The following PDHA1 variants were observed in gnomAD, a reference collection of about 807,000 sequenced individuals.
The protein encoded by PDHA1 is pyruvate dehydrogenase E1 component subunit alpha, somatic form, mitochondrial.
In PDHA1, 1 loss-of-function variant was observed where a neutral mutation model predicts 33.0. The ratio of observed to expected loss-of-function variants is 0.03; its 90% CI spans 0.01 to 0.14. The LOEUF is 0.14. Ranked by LOEUF, PDHA1 falls within the 10% of genes least tolerant of loss-of-function variation. The probability of loss-of-function intolerance (pLI) is 1.00; values close to 1 mark genes in which losing one functional copy is unlikely to be tolerated. For synonymous variants in PDHA1, 123 were observed against 119.2 expected (o/e 1.03, Z -0.21); for missense variants, 168 against 325.1 (o/e 0.52, Z 3.72).
intron 5 of PDHA1, 73 bp downstream of exon 5, chrX:19,353,246 C>T: frequency 2.4e-6 from 2 of 816,470 alleles, no homozygotes; most frequent in African/African-American, 4.0e-5. Context: ...TTTCACAGCC[C>T]CAGACAACTT....
At chrX:19,352,284 G>A (rs1367917191) in intron 4 of PDHA1, among the ~76,000 whole-genome samples, 9 of 104,590 alleles carry the variant, frequency 8.6e-5, no homozygotes, top group Non-Finnish European at 1.8e-4. Flanking sequence ...GGAGTGGCTG[G>A]AGTGAAGTGG....
At chrX:19,350,502 G>C (rs2063157615) in intron 3 of PDHA1, among the ~76,000 whole-genome samples, 1 of 112,364 alleles carries the variant, frequency 8.9e-6, no homozygotes, top group South Asian at 3.7e-4. Context: ...CTGGGCTCAA[G>C]TGGTCCGCCC....
At chrX:19,352,178 G>T (rs1358146735) in intron 4 of PDHA1, among the ~76,000 whole-genome samples, 5 of 109,618 alleles carry the variant, frequency 4.6e-5, no homozygotes, top group African/African-American at 1.7e-4. Context: ...CTCCCAAAAT[G>T]CTAGGATTAC....
In PDHA1 at chrX:19,360,758, G is replaced by C. The variant is rs758692867; in HGVS notation, c.*1105G>C. ...GCTTAGCTGATTGGTATCAAGCCTT[G>C]TCTTTGGTTTCTGAGGCCTCCTGAG... On this transcript the variant is annotated 3_prime_UTR_variant, in exon 11 of 11. Transcript: ENST00000422285. 4 of 1,207,019 alleles carry C rather than the reference G, an allele frequency of 3.3e-6. No homozygotes were observed. The South Asian group carries it at 7.1e-5, about 21-fold the overall frequency.
chrX:19,356,226 G>C (rs2063198060), intron 8 of PDHA1, among the ~76,000 whole-genome samples: 1 of 111,847 alleles, frequency 8.9e-6, no homozygotes, highest in Non-Finnish European at 1.9e-5. Flanking sequence ...TCCCTTTTCA[G>C]TGTATGGCAG....
chrX:19,346,495 T>A lies in PDHA1; in HGVS notation c.57+2401T>A, dbSNP rs1443591509. ...CACCACACCCAGCCAATTAAAAAAA[T>A]TTTTTTTTTACTAGAGACATGGTCT... On this transcript the variant is annotated intron_variant, in intron 1 of 10. Coordinates refer to ENST00000422285, the MANE Select transcript of PDHA1 (RefSeq NM_000284.4). 21 of 387,886 alleles carry A rather than the reference T, an allele frequency of 5.4e-5. No individual in the cohort carries two copies. The highest frequency in any genetic ancestry group is 9.2e-5 in the East Asian group (2 of 21,806). 32.0% of individuals were successfully genotyped at this position (387,886 alleles called of 1,213,427 possible).
In PDHA1 at chrX:19,351,222, C is replaced by T. The variant is rs186854596; in HGVS notation, c.292-59C>T. On this transcript the variant is annotated intron_variant, in intron 3 of 10. Coordinates refer to ENST00000422285, the MANE Select transcript of PDHA1 (RefSeq NM_000284.4). The stretch of plus-strand genomic sequence containing the variant: ...ACATATTTCACTGTGGTCTAGGAAA[C>T]GTTTTTATTTAGAAACATGTATCAT... The T allele has an allele frequency of 4.2e-4, 486 of 1,149,670 alleles. 2 individuals carry two copies. The African/African-American group carries it at 7.6e-3, about 18-fold the overall frequency. The allele number at this position is 1,149,670 out of a possible 1,213,427, so 94.7% of individuals were successfully genotyped here.
intron 1 of PDHA1, among the ~76,000 whole-genome samples, chrX:19,344,889 C>T (rs1388793071): frequency 1.8e-5 from 2 of 112,084 alleles, no homozygotes; most frequent in Non-Finnish European, 3.8e-5. Flanking sequence ...TCTTCAGAAA[C>T]AAACTTCCTC....
intron 4 of PDHA1, among the ~76,000 whole-genome samples, chrX:19,351,868 G>A (rs370144517): frequency 1.7e-3 from 158 of 95,640 alleles, no homozygotes; most frequent in Non-Finnish European, 2.0e-3. Context: ...GTGTGATCAC[G>A]GCTCACTGCA....
intron 1 of PDHA1, among the ~76,000 whole-genome samples, chrX:19,348,970 A>G (rs766650905): frequency 8.9e-6 from 1 of 112,435 alleles, no homozygotes; most frequent in South Asian, 3.6e-4. Context: ...AAAGAATGGC[A>G]TAAACAGACA....
intron 1 of PDHA1, among the ~76,000 whole-genome samples, chrX:19,345,325 T>C (rs1323459846): frequency 1.8e-5 from 2 of 110,045 alleles, no homozygotes; most frequent in African/African-American, 6.6e-5. Context: ...AATCCCAGCA[T>C]TTTGGGAGGC....
At chrX:19,355,041 T>G (rs930612359) in intron 6 of PDHA1, among the ~76,000 whole-genome samples, 1 of 112,893 alleles carries the variant, frequency 8.9e-6, no homozygotes, top group Non-Finnish European at 1.9e-5. Context: ...TGGTTCACTC[T>G]GGCTATCCAG....
rs776861890 is a variant in PDHA1 at position 19,353,274 on chromosome X, C to T, written c.510+101C>T. 1.1e-4 allele frequency: 68 copies of T among 616,953 alleles called. No homozygotes were observed. In the African/African-American group the frequency reaches 1.4e-3, roughly 13 times the overall value. The allele number at this position is 616,953 out of a possible 1,213,427, so 50.8% of individuals were successfully genotyped here. On this transcript the variant is annotated intron_variant, in intron 5 of 10. Transcript: ENST00000422285. ...GACAACTTTTCCTGAAGTAGTACAG[C>T]CATGTGCTGCACAGTGACGCTTTGG...
chrX:19,351,595 C>G, intron 4 of PDHA1, 188 bp downstream of exon 4: 1 of 420,382 alleles, frequency 2.4e-6, no homozygotes, highest in South Asian at 4.2e-5. Context: ...GTTCTCTGGC[C>G]CCTCAGGTAA....
Position 19,360,652 on chromosome X carries a change from A to T in PDHA1, c.*999A>T. Reference sequence around the variant, plus strand: ...ATTAATTGAACAATGGCATTTTTAAATATGTAAACACAGCGGAATTCGTGT... The same window carrying T: ...ATTAATTGAACAATGGCATTTTTAATTATGTAAACACAGCGGAATTCGTGT... On this transcript the variant is annotated 3_prime_UTR_variant, in exon 11 of 11. Transcript: ENST00000422285. The T allele has an allele frequency of 1.6e-6, 1 of 625,550 alleles. No homozygotes were observed. Among genetic ancestry groups the T allele is most frequent in the Non-Finnish European group, 2.6e-6 (1 of 391,384 alleles). The allele number at this position is 625,550 out of a possible 1,213,427, so 51.6% of individuals were successfully genotyped here. A position where few individuals can be genotyped will look rare whatever the true frequency, so the allele number is the denominator to read the frequency against.
chrX:19,345,909 C>T (rs936354554), intron 1 of PDHA1: 2 of 149,712 alleles, frequency 1.3e-5, no homozygotes, highest in Non-Finnish European at 2.9e-5. Context: ...GGAACCATTC[C>T]TGAAGCTTTT....
At chrX:19,353,941 T>TA (rs1361437633) in intron 5 of PDHA1, among the ~76,000 whole-genome samples, 1 of 111,658 alleles carries the variant, frequency 9.0e-6, no homozygotes, top group Non-Finnish European at 1.9e-5. Context: ...TGTTTTTTTT[T>TA]AAACCTAGGT....
rs753648108 is a variant in PDHA1, at chrX:19,359,733, G to GTCAATGAAAT, written c.*93_*102dup. 2 of 938,764 alleles carry GTCAATGAAAT rather than the reference G, an allele frequency of 2.1e-6. No homozygotes were observed. Among genetic ancestry groups the GTCAATGAAAT allele is most frequent in the Non-Finnish European group, 1.5e-6 (1 of 651,714 alleles). The allele number at this position is 938,764 out of a possible 1,213,427, so 77.4% of individuals were successfully genotyped here. A position where few individuals can be genotyped will look rare whatever the true frequency, so the allele number is the denominator to read the frequency against. On this transcript the variant is annotated 3_prime_UTR_variant, in exon 11 of 11. Transcript: ENST00000422285. ...CTTGGTTAAGGAGGAAGAAAACCCA[G>GTCAATGAAAT]TCAATGAAATTCAATGAAATTCTTG...
chrX:19,354,354 T>G (rs2063181876), intron 5 of PDHA1, 137 bp from the exon 6 acceptor site: 3 of 521,731 alleles, frequency 5.8e-6, no homozygotes, highest in South Asian at 2.5e-5. Flanking sequence ...AACAGAGAGA[T>G]AGGGTTGGAA....
Sources: gnomAD v4.1 joint callset for allele counts (sites outside exome capture counted in the v4.1 genomes callset) on GRCh38, gnomAD v4.1.1 for gene constraint, MANE v1.5 for transcripts, NCBI Gene and HGNC (gene_info 2026-07-23, HGNC 2026-07-21) for gene names.